RBFOX1: variants seen among roughly 807,000 people sequenced by gnomAD.
RBFOX1 encodes the protein RNA binding protein fox-1 homolog 1.
In RBFOX1, 8 loss-of-function variants were observed where a neutral mutation model predicts 57.7. The observed-to-expected ratio is 0.14, with a 90% CI of 0.08 to 0.25. The LOEUF (loss-of-function observed/expected upper bound fraction) is 0.25. Ranked by LOEUF, RBFOX1 falls within the 10% of genes least tolerant of loss-of-function variation. RBFOX1 has a pLI of 1.00. For missense variants in RBFOX1, 611 were observed against 548.5 expected (o/e 1.11, Z -1.14); for synonymous variants, 326 against 222.4 (o/e 1.47, Z -4.15).
chr16:5,711,808 A>G (rs1005306555), intron 3 of RBFOX1, among the ~76,000 whole-genome samples: 1 of 152,244 alleles, frequency 6.6e-6, no homozygotes. Context: ...AGGACCCAGC[A>G]CTTGACAGGC....
chr16:5,668,357 G>A (rs559121367), intron 3 of RBFOX1, among the ~76,000 whole-genome samples: 56 of 152,238 alleles, frequency 3.7e-4, no homozygotes, highest in Non-Finnish European at 7.2e-4. Context: ...AGCTGAATAA[G>A]CCTTGAAGCA....
At chr16:6,034,713 G>GC (rs561440024) in intron 1 of RBFOX1, among the ~76,000 whole-genome samples, 1 of 152,238 alleles carries the variant, frequency 6.6e-6, no homozygotes, top group South Asian at 2.1e-4. Flanking sequence ...TGTCATTGCT[G>GC]TTTTTTTGCT....
intron 1 of RBFOX1, among the ~76,000 whole-genome samples, chr16:5,448,836 A>C (rs914345862): frequency 6.6e-6 from 1 of 152,330 alleles, no homozygotes; most frequent in East Asian, 1.9e-4. Context: ...GGAGGAAAGC[A>C]GATAAAGATC....
At chr16:5,980,134 A>G (rs1042442382) in intron 4 of RBFOX1, among the ~76,000 whole-genome samples, 5 of 152,352 alleles carry the variant, frequency 3.3e-5, no homozygotes, top group East Asian at 3.9e-4. Flanking sequence ...GGAAACTGCA[A>G]TCTTAGCTAT....
chr16:6,833,131 T>C (rs1213170386), intron 3 of RBFOX1, among the ~76,000 whole-genome samples: 1 of 151,926 alleles, frequency 6.6e-6, no homozygotes, highest in Admixed American at 6.5e-5. Flanking sequence ...TTCCTTTTTT[T>C]TCAAGTCTTG....
At chr16:7,179,440 T>C (rs1355280721) in intron 4 of RBFOX1, among the ~76,000 whole-genome samples, 1 of 152,176 alleles carries the variant, frequency 6.6e-6, no homozygotes, top group African/African-American at 2.4e-5. Context: ...CCACAATTTG[T>C]CTGGCCTCCT....
At chr16:7,271,983 C>T (rs1328525214) in intron 4 of RBFOX1, among the ~76,000 whole-genome samples, 3 of 152,166 alleles carry the variant, frequency 2.0e-5, no homozygotes, top group African/African-American at 4.8e-5. Flanking sequence ...CCTCTTGTTA[C>T]TCGGACCTCT....
intron 1 of RBFOX1, among the ~76,000 whole-genome samples, chr16:6,232,837 T>C (rs1451674401): frequency 6.6e-6 from 1 of 152,180 alleles, no homozygotes; most frequent in Non-Finnish European, 1.5e-5. Flanking sequence ...GGTCCCTATG[T>C]GTTTGCAGGT....
At chr16:7,642,801 C>T (rs2063065257) in intron 11 of RBFOX1, among the ~76,000 whole-genome samples, 1 of 152,076 alleles carries the variant, frequency 6.6e-6, no homozygotes. Flanking sequence ...AATCTCAGCT[C>T]TTCAGGGCTT....
chr16:6,557,179 A>G (rs1438264139), intron 2 of RBFOX1, among the ~76,000 whole-genome samples: 6 of 148,166 alleles, frequency 4.0e-5, no homozygotes, highest in African/African-American at 1.5e-4. Context: ...ATATATATAC[A>G]TATATATAAT....
At chr16:5,570,515 G>C (rs1237090036) in intron 2 of RBFOX1, among the ~76,000 whole-genome samples, 1 of 152,152 alleles carries the variant, frequency 6.6e-6, no homozygotes, top group African/African-American at 2.4e-5. Flanking sequence ...GGTCAGGTCA[G>C]CCTCTGATGC....
intron 2 of RBFOX1, among the ~76,000 whole-genome samples, chr16:5,578,314 A>G (rs1400065921): frequency 1.3e-5 from 2 of 152,132 alleles, no homozygotes; most frequent in Non-Finnish European, 2.9e-5. Context: ...GCACCTTGGC[A>G]TCTGGTCTTT....
chr16:7,066,513 G>C (rs1350506657), intron 4 of RBFOX1, among the ~76,000 whole-genome samples: 1 of 152,144 alleles, frequency 6.6e-6, no homozygotes, highest in Non-Finnish European at 1.5e-5. Flanking sequence ...AATTTAAATA[G>C]CTACCAAATG....
chr16:6,143,281 CATG>C (rs2096732905), intron 1 of RBFOX1, among the ~76,000 whole-genome samples: 1 of 152,196 alleles, frequency 6.6e-6, no homozygotes, highest in Non-Finnish European at 1.5e-5. Context: ...GTTTTCTGTA[CATG>C]ATGTTTTAAT....
At chr16:7,232,688 A>G (rs1253358276) in intron 4 of RBFOX1, among the ~76,000 whole-genome samples, 2 of 151,976 alleles carry the variant, frequency 1.3e-5, no homozygotes, top group Non-Finnish European at 2.9e-5. Flanking sequence ...CTAAAAATGC[A>G]AAATTAGCTG....
At chr16:6,870,354 G>C (rs1054427951) in intron 3 of RBFOX1, among the ~76,000 whole-genome samples, 14 of 152,138 alleles carry the variant, frequency 9.2e-5, no homozygotes, top group African/African-American at 3.4e-4. Context: ...GATATTCCAA[G>C]ATGCTCCTAT....
At chr16:7,222,290 T>A (rs1451168948) in intron 4 of RBFOX1, among the ~76,000 whole-genome samples, 1 of 152,186 alleles carries the variant, frequency 6.6e-6, no homozygotes, top group East Asian at 1.9e-4. Flanking sequence ...GATATAATAC[T>A]ACACTAGACA....
At chr16:6,879,665 T>C (rs2062529649) in intron 3 of RBFOX1, among the ~76,000 whole-genome samples, 1 of 152,240 alleles carries the variant, frequency 6.6e-6, no homozygotes, top group Non-Finnish European at 1.5e-5. Context: ...TTGTGTTATT[T>C]CAGTTAACTA....
intron 1 of RBFOX1, among the ~76,000 whole-genome samples, chr16:5,432,537 G>GTTT (rs796803782): frequency 1.8e-5 from 2 of 109,474 alleles, no homozygotes; most frequent in African/African-American, 3.3e-5. Flanking sequence ...CAACTGGGGA[G>GTTT]TTTTTTTTTT....
Sources: allele counts gnomAD v4.1 joint callset (sites outside exome capture counted in the v4.1 genomes callset), GRCh38; gene constraint gnomAD v4.1.1; transcripts MANE v1.5; gene names NCBI Gene and HGNC (gene_info 2026-07-23, HGNC 2026-07-21).